DCAKD: variants seen among roughly 807,000 people sequenced by gnomAD.
DCAKD encodes the protein dephospho-CoA kinase domain-containing protein.
In DCAKD, 15 loss-of-function variants were observed where a neutral mutation model predicts 18.7. The observed-to-expected ratio is 0.80, with a 90% CI of 0.54 to 1.24. The LOEUF is 1.24. DCAKD is among the 50% of genes most tolerant of loss of function. The pLI is 0.00. For missense variants in DCAKD, 301 were observed against 322.0 expected, an observed-to-expected ratio of 0.93 and a Z score of 0.50; for synonymous variants, 130 against 133.0, an observed-to-expected ratio of 0.98 and a Z score of 0.16.
chr17:45,059,535 C>T (rs1299434714), intron 1 of DCAKD, among the ~76,000 whole-genome samples: 1 of 152,172 alleles, frequency 6.6e-6, no homozygotes, highest in Non-Finnish European at 1.5e-5. Context: ...GAGTGAGACT[C>T]AGGGACTGAA....
At chr17:45,055,370 A>G (rs2053769704), upstream of DCAKD, among the ~76,000 whole-genome samples, 1 of 151,344 alleles carries the variant, frequency 6.6e-6, no homozygotes, top group South Asian at 2.1e-4. Flanking sequence ...ACGTTTATTT[A>G]TTTATTTATT....
chr17:45,042,140 A>G (rs1286895144), intron 1 of DCAKD, among the ~76,000 whole-genome samples: 4 of 151,816 alleles, frequency 2.6e-5, no homozygotes, highest in Non-Finnish European at 4.4e-5. Flanking sequence ...CAGGCACATC[A>G]TTGTCTGACC....
upstream of DCAKD, among the ~76,000 whole-genome samples, chr17:45,052,119 G>T (rs912194808): frequency 6.6e-6 from 1 of 151,610 alleles, no homozygotes; most frequent in South Asian, 2.1e-4. Flanking sequence ...ACGCGGGAGA[G>T]GCCGGCGGGG....
intron 1 of DCAKD, among the ~76,000 whole-genome samples, chr17:45,038,591 G>T (rs908147094): frequency 6.6e-6 from 1 of 152,180 alleles, no homozygotes; most frequent in East Asian, 1.9e-4. Flanking sequence ...GAGCCAAAGA[G>T]AAATAATTTC....
chr17:45,029,282 G>A (rs781777887), intron 4 of DCAKD, among the ~76,000 whole-genome samples: 1 of 152,236 alleles, frequency 6.6e-6, no homozygotes, highest in Non-Finnish European at 1.5e-5. Flanking sequence ...GAAAGGCAGG[G>A]GGATTTTCAG....
intron 3 of DCAKD, chr17:45,031,251 T>G: frequency 1.0e-6 from 1 of 985,152 alleles, no homozygotes; most frequent in Non-Finnish European, 1.2e-6. Flanking sequence ...GGTGGCAATC[T>G]CAGCTGCTTG....
At position 45,023,414 on chromosome 17, in the gene DCAKD, C is replaced by G. The variant is rs1416201325; in HGVS notation, c.*1019G>C. The G allele has an allele frequency of 6.6e-6, 1 of 152,104 alleles. No homozygotes were observed. Among genetic ancestry groups the G allele is most frequent in the Non-Finnish European group, 1.5e-5 (1 of 68,038 alleles). The allele number at this position is 152,104 out of a possible 1,614,324, so 9.4% of individuals were successfully genotyped here. On this transcript the variant is annotated 3_prime_UTR_variant, in exon 5 of 5. Transcript: ENST00000651974. ...AGCGGGCCAGGCTCTGCACTAAGAA[C>G]ACAGAGATGAATAAGACACTGTCCC...
intron 1 of DCAKD, among the ~76,000 whole-genome samples, chr17:45,058,925 GCT>G (rs2053817915): frequency 6.6e-6 from 1 of 152,106 alleles, no homozygotes; most frequent in African/African-American, 2.4e-5. Context: ...AATTACTTAT[GCT>G]TATGCCATTG....
chr17:45,058,419 C>A (rs975868488), intron 1 of DCAKD, among the ~76,000 whole-genome samples: 1 of 151,880 alleles, frequency 6.6e-6, no homozygotes, highest in Non-Finnish European at 1.5e-5. Flanking sequence ...CCACGCCCAG[C>A]CTACTTTTTA....
At chr17:45,026,218 CT>C (rs1180056946) in intron 4 of DCAKD, among the ~76,000 whole-genome samples, 2,809 of 109,148 alleles carry the variant, frequency 0.026, 39 homozygotes, top group African/African-American at 0.084. Flanking sequence ...CGCGCCTGGA[CT>C]TTTTTTTTTT....
chr17:45,031,651 A>C, intron 3 of DCAKD: 1 of 985,130 alleles, frequency 1.0e-6, no homozygotes, highest in Non-Finnish European at 1.2e-6. Context: ...TTTCCTGTTC[A>C]GCTCCCATCA....
intron 1 of DCAKD, among the ~76,000 whole-genome samples, chr17:45,045,505 A>T (rs1439335009): frequency 6.6e-6 from 1 of 152,058 alleles, no homozygotes; most frequent in Non-Finnish European, 1.5e-5. Flanking sequence ...GCTGAGGCAG[A>T]TGGATCACTT....
chr17:45,038,886 C>A (rs1056677863), intron 1 of DCAKD, among the ~76,000 whole-genome samples: 2 of 152,230 alleles, frequency 1.3e-5, no homozygotes, highest in African/African-American at 4.8e-5. Context: ...CTCTGTAGCT[C>A]ATTCCTTCAC....
At chr17:45,035,290 G>A in intron 1 of DCAKD, 1 of 179,176 alleles carries the variant, frequency 5.6e-6, no homozygotes, top group Non-Finnish European at 1.2e-5. Context: ...AGACCAGCCT[G>A]GCCAACATGG....
In DCAKD at chr17:45,039,207, G is replaced by A. The variant is rs866044090; in HGVS notation, c.-114-4208C>T. 2.2e-4 allele frequency among the ~76,000 whole-genome samples: 34 copies of A among 152,286 alleles called. 2 individuals carry two copies. In the Middle Eastern group the frequency reaches 0.01, roughly 46 times the overall value. The stretch of plus-strand genomic sequence containing the variant: ...GAGGAAATAGAGGCTTAGGTACCCA[G>A]CGGCCTCCAAGTCACACCTAGACCT... On this transcript the variant is annotated intron_variant, in intron 1 of 4. Transcript: ENST00000651974.
intron 1 of DCAKD, among the ~76,000 whole-genome samples, chr17:45,044,136 T>C (rs1322650579): frequency 6.6e-6 from 1 of 152,052 alleles, no homozygotes; most frequent in Non-Finnish European, 1.5e-5. Context: ...TCTCAGTGAG[T>C]ACAAGCCAAG....
At chr17:45,059,807 G>C (rs748709770) in intron 1 of DCAKD, among the ~76,000 whole-genome samples, 30 of 152,046 alleles carry the variant, frequency 2.0e-4, no homozygotes, top group Non-Finnish European at 3.2e-4. Context: ...TTTTTCATCT[G>C]TCAAAAAGGT....
chr17:45,045,077 T>C (rs1567846301), intron 1 of DCAKD, among the ~76,000 whole-genome samples: 2 of 150,054 alleles, frequency 1.3e-5, no homozygotes, highest in African/African-American at 4.8e-5. Context: ...TAGATATCTA[T>C]AGGCACCTTT....
At chr17:45,046,609 C>T (rs2053575906) in intron 1 of DCAKD, among the ~76,000 whole-genome samples, 1 of 131,328 alleles carries the variant, frequency 7.6e-6, no homozygotes, top group Non-Finnish European at 1.6e-5. Flanking sequence ...GAGCGAGATT[C>T]CATCTCAAAA....
Sources: allele counts gnomAD v4.1 joint callset (sites outside exome capture counted in the v4.1 genomes callset), GRCh38; gene constraint gnomAD v4.1.1; transcripts MANE v1.5; gene names NCBI Gene and HGNC (gene_info 2026-07-23, HGNC 2026-07-21).